Variants in OXGR1 observed in about 807,000 individuals in gnomAD.
OXGR1 encodes the protein 2-oxoglutarate receptor 1.
A neutral mutation model predicts 10.0 loss-of-function variants in OXGR1; 10 were observed. The ratio of observed to expected loss-of-function variants is 1.00; its 90% confidence interval spans 0.62 to 1.70. The LOEUF (loss-of-function observed/expected upper bound fraction) is 1.70, where lower values mean the gene tolerates loss of function less well. OXGR1 is among the 40% of genes most tolerant of loss of function. The pLI is 0.00. For missense variants in OXGR1, 398 were observed against 407.6 expected (o/e 0.98, Z 0.20); for synonymous variants, 191 against 155.9 (o/e 1.22, Z -1.68).
In OXGR1 at chr13:96,987,205, G is replaced by T. The variant is rs775310934; in HGVS notation, c.555C>A (p.Asp185Glu). 1.2e-6 allele frequency: 2 copies of T among 1,614,166 alleles called. No homozygotes were observed. Among genetic ancestry groups the T allele is most frequent in the Non-Finnish European group, 1.7e-6 (2 of 1,180,032 alleles). ...TATTGAGTTCATCCGAACTGGTGAG[G>T]TCGAGACAGGCTGATCTGTTGGTCC... ...TNRTNRSACLDLTSSDELNTI... is the reference protein window; with the variant it reads ...TNRTNRSACLELTSSDELNTI... Residue 185 changes from aspartate to glutamate, a missense_variant, in exon 4 of 4, where the codon GAC becomes GAA. Asp to Glu is a conservative substitution (Grantham distance 45, BLOSUM62 2). Transcript: ENST00000541038.
chr13:96,986,527 C>A lies in OXGR1; in HGVS notation c.*219G>T, dbSNP rs933859407. 3.7e-6 allele frequency: 2 copies of A among 539,164 alleles called. No homozygotes were observed. Among genetic ancestry groups the A allele is most frequent in the South Asian group, 2.3e-5 (1 of 42,940 alleles). 33.4% of individuals were successfully genotyped at this position (539,164 alleles called of 1,614,324 possible). On this transcript the variant is annotated 3_prime_UTR_variant, in exon 4 of 4. Transcript: ENST00000541038. Reference sequence around the variant, plus strand: ...TAGCTTGTAATACTATGTCTGAATACTTTGCTGATATACATGCATCCCATT... The same window carrying A: ...TAGCTTGTAATACTATGTCTGAATAATTTGCTGATATACATGCATCCCATT...
Position 96,987,358 on chromosome 13 carries a change from C to T in OXGR1, c.402G>A (p.Val134=). 1 of 1,614,146 alleles carries T rather than the reference C, an allele frequency of 6.2e-7. No individual in the cohort carries two copies. The highest frequency in any genetic ancestry group is 8.5e-7 in the Non-Finnish European group (1 of 1,180,042). The part of the protein sequence containing the change: ...LTCFSIFRYC[V]IIHPMSCFSI... Reference sequence around the variant, plus strand: ...AAAAGCAGCTCATTGGGTGAATGATCACACAGTAGCGGAAGATGCTGAAAC... The same window carrying T: ...AAAAGCAGCTCATTGGGTGAATGATTACACAGTAGCGGAAGATGCTGAAAC... Residue 134 remains valine (V), a synonymous_variant, in exon 4 of 4, where the codon GTG becomes GTA. Coordinates refer to ENST00000541038, the MANE Select transcript of OXGR1 (RefSeq NM_001346194.2).
chr13:96,987,896 T>A, intron 3 of OXGR1, 63 bp from the exon 4 acceptor site: 1 of 1,186,250 alleles, frequency 8.4e-7, no homozygotes, highest in Non-Finnish European at 1.1e-6. Context: ...TACTTTTAAA[T>A]GAAAATTATT....
Position 96,986,816 on chromosome 13 carries a change from G to T in OXGR1, c.944C>A (p.Ser315Ter). The change falls in exon 4 of 4, where the codon TCA (serine) becomes TAA (stop). Residue 315 changes from serine (S) to a stop codon, truncating the protein, a stop_gained. Transcript: ENST00000541038. LOFTEE classifies it low-confidence loss of function (END_TRUNC). ...VSDNFQQAVCSTVRCKVSGNL... is the reference protein window; with the variant it reads ...VSDNFQQAVC ...CCCGCTTACTTTGCATCTCACTGTT[G>T]AGCAGACAGCCTGCTGAAAGTTGTC... 1 of 1,614,084 alleles carries T rather than the reference G, an allele frequency of 6.2e-7. No homozygotes were observed. The highest frequency in any genetic ancestry group is 1.1e-5 in the South Asian group (1 of 91,062).
Position 96,986,922 on chromosome 13 carries a change from T to C in OXGR1, c.838A>G (p.Ile280Val). The C allele has an allele frequency of 6.2e-7, 1 of 1,614,176 alleles. No homozygotes were observed. Among genetic ancestry groups the C allele is most frequent in the Non-Finnish European group, 8.5e-7 (1 of 1,180,034 alleles). ...LSISCSIENQ[I>V]HEAYIVSRPL... ...CTAGAAACGATGTAAGCTTCATGGA[T>C]CTGATTCTCAATGGAACAACTGATT... Residue 280 changes from isoleucine to valine, a missense_variant, in exon 4 of 4, where the codon ATC becomes GTC. Ile to Val is a conservative substitution (Grantham distance 29). Coordinates refer to ENST00000541038, the MANE Select transcript of OXGR1 (RefSeq NM_001346194.2).
Position 96,986,835 on chromosome 13 carries a change from A to G in OXGR1, c.925T>C (p.Phe309Leu), listed in dbSNP as rs1459540053. 4 of 1,614,078 alleles carry G rather than the reference A, an allele frequency of 2.5e-6. No individual in the cohort carries two copies. The highest frequency in any genetic ancestry group is 3.4e-6 in the Non-Finnish European group (4 of 1,180,026). ...LLLYVVVSDNFQQAVCSTVRC... is the reference protein window; with the variant it reads ...LLLYVVVSDNLQQAVCSTVRC... ...ACTGTTGAGCAGACAGCCTGCTGAA[A>G]GTTGTCGCTGACCACCACATATAGT... The change falls in exon 4 of 4, where the codon TTT (phenylalanine) becomes CTT (leucine). Residue 309 changes from phenylalanine (F) to leucine (L), a missense_variant. By Grantham distance (22) the Phe-to-Leu change is conservative. Coordinates refer to ENST00000541038, the MANE Select transcript of OXGR1 (RefSeq NM_001346194.2).
At position 96,987,609 on chromosome 13, in the gene OXGR1, T is replaced by C. The variant is rs1881840106; in HGVS notation, c.151A>G (p.Asn51Asp). The change falls in exon 4 of 4, where the codon AAT becomes GAT. Residue 51 changes from asparagine to aspartate, a missense_variant. Physicochemically the swap from Asn to Asp is conservative, Grantham distance 23 (BLOSUM62 1). Transcript: ENST00000541038. ...ATGTAAGTGGATATCACTACTGCATTGCCTGGAAATCCCACGAGGAAGATA... is the reference window on the plus strand; with the variant it reads ...ATGTAAGTGGATATCACTACTGCATCGCCTGGAAATCCCACGAGGAAGATA... ...GIIFLVGFPG[N>D]AVVISTYIFK... is the part of the protein sequence containing the mutation. 1 of 1,614,166 alleles carries C rather than the reference T, an allele frequency of 6.2e-7. No homozygotes were observed. The highest frequency in any genetic ancestry group is 8.5e-7 in the Non-Finnish European group (1 of 1,180,034).
intron 3 of OXGR1, 53 bp from the exon 4 acceptor site, chr13:96,987,886 T>C: frequency 7.9e-7 from 1 of 1,259,072 alleles, no homozygotes; most frequent in South Asian, 2.1e-5. Context: ...AACAAGGATC[T>C]ACTTTTAAAT....
chr13:96,989,456 G>A (rs1043365710), intron 3 of OXGR1, among the ~76,000 whole-genome samples: 6 of 152,094 alleles, frequency 3.9e-5, no homozygotes, highest in African/African-American at 7.2e-5. Flanking sequence ...GGAAAAATAG[G>A]GATTAATAAA....
intron 3 of OXGR1, 55 bp from the exon 4 acceptor site, chr13:96,987,888 C>T (rs1287712120): frequency 4.8e-6 from 6 of 1,253,038 alleles, no homozygotes; most frequent in Admixed American, 3.3e-5. Context: ...CAAGGATCTA[C>T]TTTTAAATGA....
rs1048288384 is a variant in OXGR1 at position 96,986,103 on chromosome 13, T to C, written c.*643A>G. On this transcript the variant is annotated 3_prime_UTR_variant, in exon 4 of 4. Transcript: ENST00000541038. Reference sequence around the variant, plus strand: ...AAACTTTTTAACAACAATAAAGACATAATACTCCAAATATATTGCAGGTAC... The same window carrying C: ...AAACTTTTTAACAACAATAAAGACACAATACTCCAAATATATTGCAGGTAC... 1.3e-5 allele frequency: 2 copies of C among 152,330 alleles called. No individual in the cohort carries two copies. Among genetic ancestry groups the C allele is most frequent in the Admixed American group, 1.3e-4 (2 of 15,296 alleles). The allele number at this position is 152,330 out of a possible 1,614,324, so 9.4% of individuals were successfully genotyped here. A position where few individuals can be genotyped will look rare whatever the true frequency, so the allele number is the denominator to read the frequency against.
chr13:96,991,617 C>T lies in OXGR1; in HGVS notation c.-127+805G>A, dbSNP rs528153213. The stretch of plus-strand genomic sequence containing the variant: ...AGCCAGCATCAAAGGTTGGAATAAA[C>T]TTGTGAAGAAAAAGCTTATAATTTT... On this transcript the variant is annotated intron_variant, in intron 2 of 3. Coordinates refer to ENST00000541038, the MANE Select transcript of OXGR1 (RefSeq NM_001346194.2). Among the ~76,000 whole-genome samples the T allele has an allele frequency of 3.9e-5, 6 of 152,254 alleles. No individual in the cohort carries two copies. In the South Asian group the frequency reaches 1.0e-3, roughly 26 times the overall value.
At chr13:96,990,642 A>T (rs187841926) in intron 2 of OXGR1, among the ~76,000 whole-genome samples, 9 of 152,000 alleles carry the variant, frequency 5.9e-5, no homozygotes, top group Admixed American at 2.0e-4. Flanking sequence ...CTATCATTCT[A>T]AAAAAAAGCT....
rs1566288900 is a variant in OXGR1, at chr13:96,987,142, A to G, written c.618T>C (p.Thr206=). Residue 206 remains threonine, a synonymous_variant, in exon 4 of 4, where the codon ACT becomes ACC. Coordinates refer to ENST00000541038, the MANE Select transcript of OXGR1 (RefSeq NM_001346194.2). ...KWYNLILTAT[T]FCLPLVIVTL... The stretch of plus-strand genomic sequence containing the variant: ...TCACTATCACCAAGGGGAGGCAGAA[A>G]GTAGTTGCAGTCAAAATCAGGTTGT... The G allele has an allele frequency of 6.2e-7, 1 of 1,614,072 alleles. No individual in the cohort carries two copies. Among genetic ancestry groups the G allele is most frequent in the Admixed American group, 1.7e-5 (1 of 60,000 alleles).
intron 2 of OXGR1, among the ~76,000 whole-genome samples, chr13:96,990,521 G>T (rs953407109): frequency 6.6e-6 from 1 of 152,170 alleles, no homozygotes; most frequent in African/African-American, 2.4e-5. Flanking sequence ...TACCCCAGGG[G>T]CTGGCACATG....
Position 96,987,624 on chromosome 13 carries a change from C to A in OXGR1, c.136G>T (p.Val46Leu), listed in dbSNP as rs189018671. 1 of 1,613,852 alleles carries A rather than the reference C, an allele frequency of 6.2e-7. No homozygotes were observed. Among genetic ancestry groups the A allele is most frequent in the Non-Finnish European group, 8.5e-7 (1 of 1,180,010 alleles). ...ACTACTGCATTGCCTGGAAATCCCA[C>A]GAGGAAGATAATGCCATAAATAACA... is the stretch of plus-strand genomic sequence containing the variant. ...LPVIYGIIFL[V>L]GFPGNAVVIS... The change falls in exon 4 of 4, where the codon GTG becomes TTG. Residue 46 changes from valine to leucine, a missense_variant. Transcript: ENST00000541038.
At chr13:96,991,276 G>C (rs751740398) in intron 2 of OXGR1, among the ~76,000 whole-genome samples, 4 of 152,150 alleles carry the variant, frequency 2.6e-5, no homozygotes, top group Non-Finnish European at 4.4e-5. Context: ...ACAAAAAACC[G>C]GTCTGGGCTG....
In OXGR1 at chr13:96,987,051, G is replaced by A; in HGVS notation, c.709C>T (p.Gln237Ter). Reference protein sequence around the residue: ...HGLQTDSCLKQKARRLTILLL... With the variant: ...HGLQTDSCLK ...AGAATGGTTAGCCTTCGTGCTTTCTGCTTAAGGCAGCTGTCAGTTTGCAGT... is the reference window on the plus strand; with the variant it reads ...AGAATGGTTAGCCTTCGTGCTTTCTACTTAAGGCAGCTGTCAGTTTGCAGT... The change falls in exon 4 of 4, where the codon CAG becomes TAG. Residue 237 changes from glutamine to a stop codon, truncating the protein, a stop_gained. Transcript: ENST00000541038. LOFTEE classifies it high-confidence loss of function. 6.2e-7 allele frequency: 1 copy of A among 1,614,218 alleles called. No homozygotes were observed. The highest frequency in any genetic ancestry group is 1.1e-5 in the South Asian group (1 of 91,088).
At chr13:96,990,157 A>G (rs1024132128) in intron 2 of OXGR1, among the ~76,000 whole-genome samples, 2 of 152,208 alleles carry the variant, frequency 1.3e-5, no homozygotes, top group Admixed American at 6.5e-5. Flanking sequence ...CTCTGAAGCC[A>G]GGCAACCACA....
Sources: allele counts gnomAD v4.1 joint callset (sites outside exome capture counted in the v4.1 genomes callset), GRCh38; gene constraint gnomAD v4.1.1; transcripts MANE v1.5; gene names NCBI Gene and HGNC (gene_info 2026-07-23, HGNC 2026-07-21).